SLC35G2: variants seen among roughly 807,000 people sequenced by gnomAD.
SLC35G2 encodes solute carrier family 35 member G2, also known as transmembrane protein 22.
In SLC35G2, 20 loss-of-function variants were observed where a neutral mutation model predicts 27.2. The observed-to-expected ratio is 0.74, with a 90% CI of 0.52 to 1.07. The LOEUF (loss-of-function observed/expected upper bound fraction) is 1.07, where lower values mean the gene tolerates loss of function less well. SLC35G2 is among the 50% of genes least tolerant of loss of function. SLC35G2 has a pLI of 0.00. For synonymous variants in SLC35G2, 148 were observed against 165.3 expected, an observed-to-expected ratio of 0.90 and a Z score of 0.80; for missense variants, 416 against 493.3, an observed-to-expected ratio of 0.84 and a Z score of 1.48.
At chr3:136,830,112 T>C (rs976370043) in intron 1 of SLC35G2, among the ~76,000 whole-genome samples, 3 of 138,660 alleles carry the variant, frequency 2.2e-5, no homozygotes, top group African/African-American at 8.1e-5. Flanking sequence ...TTCTTTTTTT[T>C]TTTTTTTTTT....
intron 1 of SLC35G2, among the ~76,000 whole-genome samples, chr3:136,847,529 A>T (rs1339669575): frequency 6.6e-6 from 1 of 152,172 alleles, no homozygotes; most frequent in Non-Finnish European, 1.5e-5. Flanking sequence ...GATTTATTAT[A>T]AAGAACTGGC....
At chr3:136,822,564 C>T (rs920188460) in intron 1 of SLC35G2, among the ~76,000 whole-genome samples, 12 of 152,232 alleles carry the variant, frequency 7.9e-5, no homozygotes, top group Admixed American at 1.3e-4. Context: ...ATCTGGCTGC[C>T]TCAGCCTCCC....
At chr3:136,828,640 G>A (rs1936648569) in intron 1 of SLC35G2, among the ~76,000 whole-genome samples, 1 of 152,154 alleles carries the variant, frequency 6.6e-6, no homozygotes, top group African/African-American at 2.4e-5. Context: ...TATAGGTGAA[G>A]TGTGTTTCTT....
chr3:136,849,218 A>G (rs1364826933), intron 1 of SLC35G2, among the ~76,000 whole-genome samples: 3 of 152,026 alleles, frequency 2.0e-5, no homozygotes, highest in African/African-American at 7.2e-5. Flanking sequence ...ACACACACGT[A>G]ACGAATCTGC....
intron 1 of SLC35G2, among the ~76,000 whole-genome samples, chr3:136,835,891 A>T (rs1188102021): frequency 2.0e-5 from 3 of 152,172 alleles, no homozygotes; most frequent in African/African-American, 4.8e-5. Context: ...TCCTTTTGGC[A>T]TCTCTGTATC....
chr3:136,854,762 C>T lies in SLC35G2; in HGVS notation c.302C>T (p.Ser101Phe), dbSNP rs772618643. 1 of 1,614,108 alleles carries T rather than the reference C, an allele frequency of 6.2e-7. No homozygotes were observed. Among genetic ancestry groups the T allele is most frequent in the African/African-American group, 1.3e-5 (1 of 75,038 alleles). Residue 101 changes from serine (S) to phenylalanine (F), a missense_variant, in exon 2 of 2, where the codon TCC becomes TTC. By Grantham distance (155) the Ser-to-Phe change is radical. Coordinates refer to ENST00000446465, the MANE Select transcript of SLC35G2 (RefSeq NM_025246.3). ...QSFAEKNIFQ[S>F]RKMWIVLFGS... Reference sequence around the variant, plus strand: ...TTTGCAGAAAAAAACATTTTTCAATCCCGAAAAATGTGGATAGTGCTGTTT... The same window carrying T: ...TTTGCAGAAAAAAACATTTTTCAATTCCGAAAAATGTGGATAGTGCTGTTT...
intron 1 of SLC35G2, among the ~76,000 whole-genome samples, chr3:136,830,293 T>C (rs1259428768): frequency 2.7e-5 from 4 of 150,710 alleles, no homozygotes; most frequent in African/African-American, 7.3e-5. Context: ...ATTATTATTA[T>C]TTTTTTTGAG....
intron 1 of SLC35G2, among the ~76,000 whole-genome samples, chr3:136,840,654 C>T (rs1234858418): frequency 1.3e-5 from 2 of 151,450 alleles, no homozygotes; most frequent in African/African-American, 2.4e-5. Flanking sequence ...GACAGAGTCT[C>T]ACTCTGTCAT....
intron 1 of SLC35G2, among the ~76,000 whole-genome samples, chr3:136,840,371 C>T (rs1937033040): frequency 6.6e-6 from 1 of 152,080 alleles, no homozygotes; most frequent in South Asian, 2.1e-4. Flanking sequence ...TGCAGGGAGT[C>T]ATCCTCAAAG....
At chr3:136,831,232 TAC>T (rs1312091935) in intron 1 of SLC35G2, among the ~76,000 whole-genome samples, 1 of 152,284 alleles carries the variant, frequency 6.6e-6, no homozygotes, top group East Asian at 1.9e-4. Flanking sequence ...TCCCTTACTT[TAC>T]AGTTAGGAGA....
At chr3:136,850,918 G>A (rs907370891) in intron 1 of SLC35G2, among the ~76,000 whole-genome samples, 3 of 152,188 alleles carry the variant, frequency 2.0e-5, no homozygotes, top group African/African-American at 4.8e-5. Context: ...CCTGGAGGTC[G>A]AGGCTGCAGT....
At chr3:136,837,800 A>G (rs1429735418) in intron 1 of SLC35G2, 1 of 151,620 alleles carries the variant, frequency 6.6e-6, no homozygotes, top group Non-Finnish European at 1.5e-5. Context: ...AAGAGTTCAC[A>G]TATTTTAAAT....
chr3:136,840,425 A>G (rs755688820), intron 1 of SLC35G2, among the ~76,000 whole-genome samples: 1 of 152,124 alleles, frequency 6.6e-6, no homozygotes, highest in African/African-American at 2.4e-5. Context: ...CACAGTGATG[A>G]TGATAAATTT....
At chr3:136,851,207 A>C (rs1306506233) in intron 1 of SLC35G2, among the ~76,000 whole-genome samples, 1 of 150,858 alleles carries the variant, frequency 6.6e-6, no homozygotes, top group Non-Finnish European at 1.5e-5. Context: ...AAAGATGAAC[A>C]ATGTTGGCCG....
chr3:136,854,705 CA>C lies in SLC35G2; in HGVS notation c.247del (p.Met83Ter). On this transcript the variant is annotated frameshift_variant, in exon 2 of 2. Transcript: ENST00000446465. LOFTEE classifies it high-confidence loss of function. ...ACCCTACCTCCACCAACAGAAGACC[CA>C]ATGATCAATGAGATTGGACAATTCC... ...MDTLPPPTED[P>X]MINEIGQFQS... The C allele has an allele frequency of 6.2e-7, 1 of 1,614,044 alleles. No homozygotes were observed. Among genetic ancestry groups the C allele is most frequent in the Non-Finnish European group, 8.5e-7 (1 of 1,180,008 alleles).
At chr3:136,849,876 G>A (rs950315414) in intron 1 of SLC35G2, among the ~76,000 whole-genome samples, 12 of 151,648 alleles carry the variant, frequency 7.9e-5, no homozygotes, top group Non-Finnish European at 1.2e-4. Context: ...AAGCCGCGGC[G>A]GGCGGATCAC....
rs1489251561 is a variant in SLC35G2, at chr3:136,854,715, T to A, written c.255T>A (p.Asn85Lys). The change falls in exon 2 of 2, where the codon AAT (asparagine) becomes AAA (lysine). Residue 85 changes from asparagine (N) to lysine (K), a missense_variant. Coordinates refer to ENST00000446465, the MANE Select transcript of SLC35G2 (RefSeq NM_025246.3). ...LPPPTEDPMI[N>K]EIGQFQSFAE... is the part of the protein sequence containing the mutation. Reference sequence around the variant, plus strand: ...CACCAACAGAAGACCCAATGATCAATGAGATTGGACAATTCCAGAGCTTTG... The same window carrying A: ...CACCAACAGAAGACCCAATGATCAAAGAGATTGGACAATTCCAGAGCTTTG... The A allele has an allele frequency of 6.2e-7, 1 of 1,613,626 alleles. No individual in the cohort carries two copies. The highest frequency in any genetic ancestry group is 8.5e-7 in the Non-Finnish European group (1 of 1,179,554).
chr3:136,838,279 A>G (rs1936944533), intron 1 of SLC35G2: 1 of 109,674 alleles, frequency 9.1e-6, no homozygotes, highest in African/African-American at 3.3e-5. Context: ...ATATATATAT[A>G]TATAAATGCA....
intron 1 of SLC35G2, among the ~76,000 whole-genome samples, chr3:136,836,709 C>T (rs1314760223): frequency 1.3e-5 from 2 of 152,218 alleles, no homozygotes. Context: ...CAAGGGGATT[C>T]TCCAAAATTG....
Sources: allele counts gnomAD v4.1 joint callset (sites outside exome capture counted in the v4.1 genomes callset), GRCh38; gene constraint gnomAD v4.1.1; transcripts MANE v1.5; gene names NCBI Gene and HGNC (gene_info 2026-07-23, HGNC 2026-07-21).